HSP90AA1: variants seen among roughly 807,000 people sequenced by gnomAD.
The protein encoded by HSP90AA1 is heat shock protein HSP 90-alpha.
HSP90AA1 carries 18 observed loss-of-function variants against 73.3 expected under a neutral mutation model. The observed-to-expected ratio is 0.25, with a 90% CI of 0.17 to 0.36. The LOEUF is 0.36. Ranked by LOEUF, HSP90AA1 falls within the 10% of genes least tolerant of loss-of-function variation. The pLI, the probability that HSP90AA1 is intolerant of heterozygous loss-of-function variation, is 1.00. For missense variants in HSP90AA1, 704 were observed against 874.2 expected, an observed-to-expected ratio of 0.81 and a Z score of 2.45; for synonymous variants, 477 against 296.9, an observed-to-expected ratio of 1.61 and a Z score of -6.24.
rs753257553 is a variant in HSP90AA1, at chr14:102,085,400, G to C, written c.561C>G (p.Ile187Met). 2 of 1,613,616 alleles carry C rather than the reference G, an allele frequency of 1.2e-6. No individual in the cohort carries two copies. Among genetic ancestry groups the C allele is most frequent in the Admixed American group, 1.7e-5 (1 of 59,998 alleles). The stretch of plus-strand genomic sequence containing the variant: ...CAGTTTGGTCTTCTTTCAGGTGTAG[G>C]ATAACTTTTGTTCCACGACCCATAG... ...GEPMGRGTKV[I>M]LHLKEDQTEY... Residue 187 changes from isoleucine (I) to methionine (M), a missense_variant, in exon 4 of 11, where the codon ATC (isoleucine) becomes ATG (methionine). Coordinates refer to ENST00000216281, the MANE Select transcript of HSP90AA1 (RefSeq NM_005348.4).
At chr14:102,137,493 T>G (rs1248767460) in intron 1 of HSP90AA1, among the ~76,000 whole-genome samples, 1 of 151,422 alleles carries the variant, frequency 6.6e-6, no homozygotes, top group Non-Finnish European at 1.5e-5. Flanking sequence ...GCCTGGCTAA[T>G]TTTTGTACTT....
At chr14:102,109,992 G>A (rs1049719858) in intron 1 of HSP90AA1, among the ~76,000 whole-genome samples, 2 of 152,100 alleles carry the variant, frequency 1.3e-5, no homozygotes, top group Non-Finnish European at 2.9e-5. Flanking sequence ...GGAGTGCAGT[G>A]GTGCAATATC....
Position 102,092,129 on chromosome 14 carries a change from C to T in HSP90AA1, c.367-5751G>A, listed in dbSNP as rs972420232. Among the ~76,000 whole-genome samples the T allele has an allele frequency of 1.3e-5, 2 of 151,268 alleles. 1 individual carries two copies. The highest frequency in any genetic ancestry group is 4.2e-4 in the South Asian group (2 of 4,782). On this transcript the variant is annotated intron_variant, in intron 2 of 11. Coordinates refer to the HSP90AA1 transcript ENST00000334701. The stretch of plus-strand genomic sequence containing the variant: ...TCGCCCAGGCTGGAGTGCAGTGTCG[C>T]GTGCTCTTGGCTCACTGCAACCTCC...
At position 102,086,093 on chromosome 14, in the gene HSP90AA1, G is replaced by A. The variant is rs771238723; in HGVS notation, c.194C>T (p.Thr65Ile). ...CCCAGAGTCTAATTTACTGGGATCT[G>A]TCAAGCTTTCATACCGGATTTTGTC... ...ALDKIRYESLTDPSKLDSGKE... is the reference protein window; with the variant it reads ...ALDKIRYESLIDPSKLDSGKE... Residue 65 changes from threonine (T) to isoleucine (I), a missense_variant, in exon 3 of 11, where the codon ACA becomes ATA. By Grantham distance (89) the Thr-to-Ile change is moderately conservative. Coordinates refer to ENST00000216281, the MANE Select transcript of HSP90AA1 (RefSeq NM_005348.4). The A allele has an allele frequency of 1.9e-6, 3 of 1,614,004 alleles. No homozygotes were observed. The highest frequency in any genetic ancestry group is 1.1e-5 in the South Asian group (1 of 91,078).
chr14:102,084,388 TCTA>T lies in HSP90AA1; in HGVS notation c.1147+8_1147+10del. On this transcript the variant is annotated splice_region_variant and intron_variant, in intron 6 of 10. Transcript: ENST00000216281. ...TCAGTGACAGTGATTATTTTTCCTA[TCTA>T]TACTTACTCAGATATTCAGGGATTA... 1 of 1,609,980 alleles carries T rather than the reference TCTA, an allele frequency of 6.2e-7. No individual in the cohort carries two copies. The highest frequency in any genetic ancestry group is 8.5e-7 in the Non-Finnish European group (1 of 1,176,194).
intron 1 of HSP90AA1, among the ~76,000 whole-genome samples, chr14:102,120,499 A>G (rs983683851): frequency 6.6e-6 from 1 of 152,170 alleles, no homozygotes. Context: ...CTTTTGACAC[A>G]CATAAGAAAT....
intron 2 of HSP90AA1, among the ~76,000 whole-genome samples, chr14:102,100,587 G>A (rs982232125): frequency 1.3e-5 from 2 of 152,074 alleles, no homozygotes; most frequent in African/African-American, 2.4e-5. Flanking sequence ...CATCATGCCC[G>A]CCTAATTTTG....
intron 1 of HSP90AA1, among the ~76,000 whole-genome samples, chr14:102,136,803 G>C (rs957735718): frequency 1.3e-5 from 2 of 151,148 alleles, no homozygotes; most frequent in African/African-American, 4.9e-5. Context: ...CAGGAGAATC[G>C]TTTGAATCCG....
At chr14:102,082,474 T>C (rs1240248471) in intron 9 of HSP90AA1, 30 bp from the exon 10 acceptor site, 4 of 1,541,198 alleles carry the variant, frequency 2.6e-6, no homozygotes, top group Non-Finnish European at 3.6e-6. Context: ...ACTAGGAACC[T>C]AGAAAGATTA....
chr14:102,106,800 T>G (rs1412781566), intron 1 of HSP90AA1, among the ~76,000 whole-genome samples: 1 of 151,902 alleles, frequency 6.6e-6, no homozygotes, highest in Non-Finnish European at 1.5e-5. Context: ...CACCTCGGCC[T>G]CCCAAAGTGC....
At chr14:102,129,035 G>C (rs1257665792) in intron 1 of HSP90AA1, among the ~76,000 whole-genome samples, 2 of 151,906 alleles carry the variant, frequency 1.3e-5, no homozygotes, top group Non-Finnish European at 2.9e-5. Flanking sequence ...CATTTACCAG[G>C]TACAGTTCAA....
At chr14:102,088,476 A>AC, upstream of HSP90AA1, among the ~76,000 whole-genome samples, 1 of 152,040 alleles carries the variant, frequency 6.6e-6, no homozygotes, top group Non-Finnish European at 1.5e-5. Flanking sequence ...GCGGCCTGGG[A>AC]CCCCCTTAAG....
At chr14:102,121,142 T>C (rs528983216) in intron 1 of HSP90AA1, among the ~76,000 whole-genome samples, 1 of 152,016 alleles carries the variant, frequency 6.6e-6, no homozygotes, top group East Asian at 1.9e-4. Context: ...AAATGATTGA[T>C]GCTCCTGCCT....
intron 6 of HSP90AA1, 59 bp from the exon 7 acceptor site, chr14:102,084,042 T>TA: frequency 1.6e-6 from 2 of 1,249,286 alleles, no homozygotes; most frequent in South Asian, 2.4e-5. Flanking sequence ...TGGTACTATG[T>TA]AAACTCCCAA....
At chr14:102,117,942 G>A (rs946113009) in intron 1 of HSP90AA1, among the ~76,000 whole-genome samples, 3 of 152,156 alleles carry the variant, frequency 2.0e-5, no homozygotes, top group African/African-American at 7.2e-5. Context: ...TGGGGAAGCT[G>A]CTTGCGATGT....
rs575140426 is a variant in HSP90AA1 at position 102,081,171 on chromosome 14, T to C, written c.*541A>G. ...CTTTACGATATGCTTAGGTAGGCTT[T>C]TAACTTTGCTCCTCCAAACAATACT... On this transcript the variant is annotated 3_prime_UTR_variant, in exon 11 of 11. Coordinates refer to ENST00000216281, the MANE Select transcript of HSP90AA1 (RefSeq NM_005348.4). 3 of 235,462 alleles carry C rather than the reference T, an allele frequency of 1.3e-5. No individual in the cohort carries two copies. The highest frequency in any genetic ancestry group is 6.7e-5 in the African/African-American group (3 of 45,080). 14.6% of individuals were successfully genotyped at this position (235,462 alleles called of 1,614,324 possible). A position where few individuals can be genotyped will look rare whatever the true frequency, so the allele number is the denominator to read the frequency against.
At chr14:102,086,519 G>A (rs36112665) in intron 1 of HSP90AA1, 141 bp from the exon 2 acceptor site, 17,887 of 944,090 alleles carry the variant, frequency 0.019, 279 homozygotes, top group Middle Eastern at 0.041. Context: ...AAGGGCGGCT[G>A]ACAAAGGATG....
chr14:102,118,538 G>T (rs957593504), intron 1 of HSP90AA1, among the ~76,000 whole-genome samples: 11 of 151,758 alleles, frequency 7.2e-5, no homozygotes, highest in Non-Finnish European at 7.4e-5. Context: ...ACCATGCCCG[G>T]TCACTTTTTG....
chr14:102,083,461 A>C, intron 8 of HSP90AA1, 85 bp downstream of exon 8: 1 of 1,442,304 alleles, frequency 6.9e-7, no homozygotes, highest in Non-Finnish European at 9.7e-7. Context: ...CAGTTGTAAC[A>C]GTGCTACCTG....
Sources: allele counts gnomAD v4.1 joint callset (sites outside exome capture counted in the v4.1 genomes callset), GRCh38; gene constraint gnomAD v4.1.1; transcripts MANE v1.5; gene names NCBI Gene and HGNC (gene_info 2026-07-23, HGNC 2026-07-21).